EYS: variants seen among roughly 807,000 people sequenced by gnomAD.
The protein encoded by EYS is EGF-like photoreceptor maintenance factor.
Under a neutral mutation model 282.1 loss-of-function variants are expected in EYS, and 250 were observed. The ratio of observed to expected loss-of-function variants is 0.89; its 90% CI spans 0.80 to 0.98. The LOEUF is 0.98. Among genes scored for constraint, EYS ranks in the 50% least tolerant of loss-of-function variants. The pLI is 0.00. For missense variants in EYS, 4,016 were observed against 3,709.0 expected (o/e 1.08, Z -2.15); for synonymous variants, 1,355 against 1,282.9 (o/e 1.06, Z -1.20).
intron 22 of EYS, among the ~76,000 whole-genome samples, chr6:64,689,455 G>C (rs1770287899): frequency 1.6e-4 from 2 of 12,828 alleles, no homozygotes; most frequent in Admixed American, 2.5e-3. Flanking sequence ...TTTCTTCACA[G>C]AACTGGAAAA....
intron 7 of EYS, among the ~76,000 whole-genome samples, chr6:65,401,505 G>A (rs1334286574): frequency 6.6e-6 from 1 of 151,500 alleles, no homozygotes; most frequent in East Asian, 1.9e-4. Flanking sequence ...TAAAGGGATA[G>A]TATTCAGGTT....
At chr6:65,132,662 C>T (rs1466553028) in intron 12 of EYS, among the ~76,000 whole-genome samples, 2 of 151,916 alleles carry the variant, frequency 1.3e-5, no homozygotes, top group Non-Finnish European at 2.9e-5. Flanking sequence ...GACAAGGATG[C>T]CATCTCTTAC....
At chr6:64,036,227 A>G (rs912721381) in intron 33 of EYS, among the ~76,000 whole-genome samples, 1 of 152,172 alleles carries the variant, frequency 6.6e-6, no homozygotes, top group South Asian at 2.1e-4. Flanking sequence ...AACTTAAAGT[A>G]TAATAGAAAA....
chr6:63,785,263 G>A (rs530077278), intron 39 of EYS, among the ~76,000 whole-genome samples: 2 of 152,318 alleles, frequency 1.3e-5, no homozygotes, highest in East Asian at 3.9e-4. Context: ...AGCTCAGCAA[G>A]ATTATCTACA....
intron 26 of EYS, among the ~76,000 whole-genome samples, chr6:64,476,002 G>A (rs1776254576): frequency 6.6e-6 from 1 of 152,112 alleles, no homozygotes; most frequent in Non-Finnish European, 1.5e-5. Context: ...TGTTGTCTAA[G>A]CTGGTCTGAA....
At chr6:65,182,060 G>T (rs191558424) in intron 12 of EYS, among the ~76,000 whole-genome samples, 2 of 152,036 alleles carry the variant, frequency 1.3e-5, no homozygotes, top group East Asian at 3.9e-4. Flanking sequence ...GCCTGTTTTG[G>T]GTAGGGGTAG....
intron 41 of EYS, among the ~76,000 whole-genome samples, chr6:63,753,708 G>C (rs938704739): frequency 1.3e-5 from 2 of 152,130 alleles, no homozygotes; most frequent in Non-Finnish European, 2.9e-5. Flanking sequence ...TGATACATGG[G>C]AGTTACAATT....
chr6:64,735,723 G>T (rs187910643), intron 22 of EYS, among the ~76,000 whole-genome samples: 2 of 152,198 alleles, frequency 1.3e-5, no homozygotes, highest in Admixed American at 6.5e-5. Flanking sequence ...TTGATGGATA[G>T]TGTCTGACAA....
At chr6:65,297,412 G>T (rs1768697134) in intron 11 of EYS, among the ~76,000 whole-genome samples, 1 of 151,848 alleles carries the variant, frequency 6.6e-6, no homozygotes, top group Non-Finnish European at 1.5e-5. Flanking sequence ...CAGCAAAAAT[G>T]TTAAAGGTGA....
At chr6:63,848,850 GA>G (rs1772169127) in intron 36 of EYS, among the ~76,000 whole-genome samples, 1 of 152,142 alleles carries the variant, frequency 6.6e-6, no homozygotes, top group Admixed American at 6.5e-5. Flanking sequence ...CACTCCTCTG[GA>G]AAGGGGGCTG....
Position 63,901,336 on chromosome 6 carries a change from T to C in EYS, c.7056-36978A>G, listed in dbSNP as rs181828035. 1.3e-3 allele frequency among the ~76,000 whole-genome samples: 193 copies of C among 152,104 alleles called. 2 individuals carry two copies. The highest frequency in any genetic ancestry group is 3.9e-3 in the African/African-American group (163 of 41,502). ...GACAGAGATTATCTAAACTGAAGAATAGAATGAAAAAGGATTGAAGTGAAA... is the reference window on the plus strand; with the variant it reads ...GACAGAGATTATCTAAACTGAAGAACAGAATGAAAAAGGATTGAAGTGAAA... On this transcript the variant is annotated intron_variant, in intron 35 of 42. Coordinates refer to ENST00000503581, the MANE Select transcript of EYS (RefSeq NM_001142800.2).
At chr6:63,963,478 A>C (rs1766171392) in intron 35 of EYS, among the ~76,000 whole-genome samples, 1 of 152,218 alleles carries the variant, frequency 6.6e-6, no homozygotes, top group Non-Finnish European at 1.5e-5. Flanking sequence ...ATGTGCCAAG[A>C]AAAGTTGGTG....
chr6:65,224,374 G>A (rs1209094780), intron 12 of EYS, among the ~76,000 whole-genome samples: 1 of 152,036 alleles, frequency 6.6e-6, no homozygotes, highest in African/African-American at 2.4e-5. Context: ...AAATGAAAAA[G>A]ATATACAGTA....
intron 1 of EYS, among the ~76,000 whole-genome samples, chr6:65,648,930 G>A (rs12190480): frequency 0.57 from 85,972 of 151,488 alleles, 26,253 homozygotes; most frequent in East Asian, 0.78. Context: ...GTAGATCACG[G>A]GGTCAGGAGA....
At chr6:64,711,812 C>G (rs1024836947) in intron 22 of EYS, among the ~76,000 whole-genome samples, 1 of 152,160 alleles carries the variant, frequency 6.6e-6, no homozygotes, top group Admixed American at 6.5e-5. Flanking sequence ...CGAAGTCAGG[C>G]CATCTCCTCC....
In EYS at chr6:64,590,748, A is replaced by G; in HGVS notation, c.5119T>C (p.Tyr1707His). The G allele has an allele frequency of 1.3e-6, 2 of 1,550,990 alleles. No individual in the cohort carries two copies. Among genetic ancestry groups the G allele is most frequent in the South Asian group, 2.4e-5 (2 of 84,040 alleles). Reference protein sequence around the residue: ...NILKLLKIRQYGITMGPTEVL... With the variant: ...NILKLLKIRQHGITMGPTEVL... ...TCAGTGGGTCCCATAGTTATGCCAT[A>G]TTGTCTTATTTTCAATAGTTTTAAA... Residue 1707 changes from tyrosine (Y) to histidine (H), a missense_variant, in exon 26 of 43, where the codon TAT (tyrosine) becomes CAT (histidine). Tyr to His is a moderately conservative substitution (Grantham distance 83, BLOSUM62 2). Coordinates refer to ENST00000503581, the MANE Select transcript of EYS (RefSeq NM_001142800.2).
At chr6:63,805,979 G>A (rs1770895116) in intron 37 of EYS, among the ~76,000 whole-genome samples, 1 of 152,138 alleles carries the variant, frequency 6.6e-6, no homozygotes. Context: ...GACTAATACA[G>A]TAGCCCTGAT....
chr6:64,622,788 GTAAGA>G (rs1319440953), intron 23 of EYS, among the ~76,000 whole-genome samples: 1 of 152,098 alleles, frequency 6.6e-6, no homozygotes, highest in Non-Finnish European at 1.5e-5. Flanking sequence ...CTGGAGCTGT[GTAAGA>G]TAAGATAATG....
At chr6:63,776,338 C>A (rs1340239465) in intron 40 of EYS, among the ~76,000 whole-genome samples, 3 of 152,074 alleles carry the variant, frequency 2.0e-5, no homozygotes, top group African/African-American at 4.8e-5. Flanking sequence ...TTTTTAAGTT[C>A]ATTTCTTGCT....
Sources: gnomAD v4.1 joint callset for allele counts (sites outside exome capture counted in the v4.1 genomes callset) on GRCh38, gnomAD v4.1.1 for gene constraint, MANE v1.5 for transcripts, NCBI Gene and HGNC (gene_info 2026-07-23, HGNC 2026-07-21) for gene names.